GPC3: variants seen among roughly 807,000 people sequenced by gnomAD.
GPC3 encodes the protein glypican-3.
In GPC3, 3 loss-of-function variants were observed where a neutral mutation model predicts 34.4. The ratio of observed to expected loss-of-function variants is 0.09; its 90% CI spans 0.04 to 0.23. The LOEUF is 0.23. Ranked by LOEUF, GPC3 falls within the 10% of genes least tolerant of loss-of-function variation. The probability of loss-of-function intolerance (pLI) is 1.00; values close to 1 mark genes in which losing one functional copy is unlikely to be tolerated. For synonymous variants in GPC3, 177 were observed against 174.0 expected (o/e 1.02, Z -0.13); for missense variants, 351 against 445.6 (o/e 0.79, Z 1.91).
intron 6 of GPC3, among the ~76,000 whole-genome samples, chrX:133,655,476 CCACACACA>C (rs758691994): frequency 4.1e-5 from 4 of 97,617 alleles, no homozygotes; most frequent in Admixed American, 1.1e-4. Context: ...CTTCACACAC[CCACACACA>C]CACACACACA....
chrX:133,780,550 T>C (rs752649762), intron 2 of GPC3, among the ~76,000 whole-genome samples: 2 of 111,535 alleles, frequency 1.8e-5, no homozygotes, highest in East Asian at 5.6e-4. Flanking sequence ...CCTGAGCTAA[T>C]TGTGAGTTCC....
chrX:133,886,516 C>A (rs1436869226), intron 2 of GPC3, among the ~76,000 whole-genome samples: 1 of 111,611 alleles, frequency 9.0e-6, no homozygotes, highest in Non-Finnish European at 1.9e-5. Context: ...TTGAGTCAAG[C>A]TAATTAATAT....
intron 4 of GPC3, among the ~76,000 whole-genome samples, chrX:133,694,183 T>G (rs960882595): frequency 9.0e-6 from 1 of 110,884 alleles, no homozygotes; most frequent in Admixed American, 9.7e-5. Flanking sequence ...TCATTTCAAC[T>G]AATGATTTAA....
chrX:133,847,211 C>T (rs983388766), intron 2 of GPC3, among the ~76,000 whole-genome samples: 1 of 111,731 alleles, frequency 9.0e-6, no homozygotes, highest in African/African-American at 3.3e-5. Flanking sequence ...GGGCATTTGT[C>T]TACAGTTTGC....
At chrX:133,807,005 C>T (rs999687621) in intron 2 of GPC3, among the ~76,000 whole-genome samples, 24 of 111,130 alleles carry the variant, frequency 2.2e-4, no homozygotes, top group Non-Finnish European at 3.4e-4. Flanking sequence ...AAAGGATAAA[C>T]GAGTGAAAAA....
chrX:133,902,511 C>G (rs2124600239), intron 2 of GPC3, among the ~76,000 whole-genome samples: 1 of 111,190 alleles, frequency 9.0e-6, no homozygotes, highest in East Asian at 2.9e-4. Context: ...TCACTTGAGG[C>G]CAGGATTTTG....
At position 133,902,122 on chromosome X, in the gene GPC3, T is replaced by C. The variant is rs116546322; in HGVS notation, c.337+50928A>G. ...AAATAAAAGAATCTGCTTTAAAATA[T>C]TTTGAATTAACCAAATATTTGAGCC... On this transcript the variant is annotated intron_variant, in intron 2 of 7. Coordinates refer to ENST00000370818, the MANE Select transcript of GPC3 (RefSeq NM_004484.4). Among the ~76,000 whole-genome samples, 962 of 112,607 alleles carry C rather than the reference T, an allele frequency of 8.5e-3. 18 individuals carry two copies. The highest frequency in any genetic ancestry group is 0.03 in the African/African-American group (923 of 31,045).
intron 3 of GPC3, among the ~76,000 whole-genome samples, chrX:133,707,339 T>A (rs2071227492): frequency 1.8e-5 from 2 of 111,825 alleles, no homozygotes; most frequent in African/African-American, 6.5e-5. Context: ...AACCTGCACA[T>A]GTACTCCCTG....
Position 133,733,899 on chromosome X carries a change from T to A in GPC3, c.1032+19583A>T, listed in dbSNP as rs189019886. Among the ~76,000 whole-genome samples, 5 of 112,016 alleles carry A rather than the reference T, an allele frequency of 4.5e-5. No homozygotes were observed. In the East Asian group the frequency reaches 1.4e-3, roughly 31 times the overall value. On this transcript the variant is annotated intron_variant, in intron 3 of 7. Coordinates refer to ENST00000370818, the MANE Select transcript of GPC3 (RefSeq NM_004484.4). ...AACAAAGAGTTTGAGTTAATACTTT[T>A]AAAACTTTCCACAAAAAAAAGCATA...
At chrX:133,828,787 A>G (rs1375595170) in intron 2 of GPC3, among the ~76,000 whole-genome samples, 1 of 111,045 alleles carries the variant, frequency 9.0e-6, no homozygotes. Context: ...TCTACAGTTA[A>G]TAATTAAGTA....
At chrX:133,972,368 C>T (rs1364332001) in intron 1 of GPC3, among the ~76,000 whole-genome samples, 2 of 112,067 alleles carry the variant, frequency 1.8e-5, no homozygotes, top group African/African-American at 6.5e-5. Context: ...CTGGAGATGG[C>T]CAAGTAAGAT....
intron 3 of GPC3, among the ~76,000 whole-genome samples, chrX:133,737,897 GAT>G (rs1361373463): frequency 1.8e-5 from 2 of 111,598 alleles, no homozygotes; most frequent in Non-Finnish European, 3.8e-5. Context: ...GTGGGGCAAT[GAT>G]AACATTAAGT....
At chrX:133,755,627 G>T (rs769695005) in intron 2 of GPC3, among the ~76,000 whole-genome samples, 1 of 112,421 alleles carries the variant, frequency 8.9e-6, no homozygotes, top group Admixed American at 9.4e-5. Flanking sequence ...AGTCTCTGAG[G>T]GACACTAGCT....
chrX:133,966,255 T>G (rs1331405564), intron 1 of GPC3, among the ~76,000 whole-genome samples: 1 of 112,409 alleles, frequency 8.9e-6, no homozygotes, highest in African/African-American at 3.2e-5. Flanking sequence ...ATGAAAAAAA[T>G]TGTTTCAAGC....
intron 2 of GPC3, among the ~76,000 whole-genome samples, chrX:133,951,478 T>G (rs2124633885): frequency 9.0e-6 from 1 of 111,289 alleles, no homozygotes; most frequent in African/African-American, 3.3e-5. Context: ...AACAAATCAC[T>G]AATACTCTGT....
At chrX:133,769,562 T>A (rs1256662567) in intron 2 of GPC3, among the ~76,000 whole-genome samples, 1 of 111,566 alleles carries the variant, frequency 9.0e-6, no homozygotes, top group East Asian at 2.8e-4. Flanking sequence ...TACACCTCAA[T>A]AAACTGGAAA....
At chrX:133,889,768 C>T (rs986720252) in intron 2 of GPC3, among the ~76,000 whole-genome samples, 2 of 106,976 alleles carry the variant, frequency 1.9e-5, no homozygotes, top group Non-Finnish European at 3.8e-5. Context: ...ACCCCCACCC[C>T]CCGACCATAA....
intron 7 of GPC3, among the ~76,000 whole-genome samples, chrX:133,546,963 G>A (rs1162330313): frequency 8.9e-6 from 1 of 111,980 alleles, no homozygotes; most frequent in African/African-American, 3.2e-5. Context: ...AATGTGGTAT[G>A]TATACACAGT....
chrX:133,916,536 T>C (rs1040029456), intron 2 of GPC3, among the ~76,000 whole-genome samples: 1 of 111,789 alleles, frequency 8.9e-6, no homozygotes, highest in African/African-American at 3.3e-5. Context: ...CCATAGGGTA[T>C]ATTACCATTC....
Sources: gnomAD v4.1 joint callset for allele counts (sites outside exome capture counted in the v4.1 genomes callset) on GRCh38, gnomAD v4.1.1 for gene constraint, MANE v1.5 for transcripts, NCBI Gene and HGNC (gene_info 2026-07-23, HGNC 2026-07-21) for gene names.